The following RBFOX3 variants were observed in gnomAD, a reference collection of about 807,000 sequenced individuals.
The protein encoded by RBFOX3 is RNA binding protein fox-1 homolog 3.
Under a neutral mutation model 48.7 loss-of-function variants are expected in RBFOX3, and 17 were observed. The ratio of observed to expected loss-of-function variants is 0.35; its 90% CI spans 0.24 to 0.52. RBFOX3 has a LOEUF of 0.52. RBFOX3 is among the 20% of genes least tolerant of loss of function. The pLI is 0.94. For synonymous variants in RBFOX3, 212 were observed against 209.5 expected (o/e 1.01, Z -0.10); for missense variants, 382 against 497.5 (o/e 0.77, Z 2.21).
intron 1 of RBFOX3, among the ~76,000 whole-genome samples, chr17:79,550,950 T>C (rs932134861): frequency 3.3e-5 from 5 of 152,240 alleles, no homozygotes; most frequent in Non-Finnish European, 7.3e-5. Context: ...CAATAGAACT[T>C]TCTGTGAGGA....
chr17:79,629,797 T>C, the RBFOX3 span, among the ~76,000 whole-genome samples: 1 of 152,204 alleles, frequency 6.6e-6, no homozygotes, highest in Admixed American at 6.5e-5. Context: ...TGTGCACTCA[T>C]TAAAAATCCT....
chr17:79,412,189 T>A (rs1044248158), intron 2 of RBFOX3, among the ~76,000 whole-genome samples: 4 of 151,962 alleles, frequency 2.6e-5, no homozygotes, highest in Non-Finnish European at 5.9e-5. Context: ...TATGTGTATA[T>A]GTGTGAGGGC....
Position 79,090,407 on chromosome 17 carries a change from C to G in RBFOX3, c.*476G>C, listed in dbSNP as rs542164186. On this transcript the variant is annotated 3_prime_UTR_variant, in exon 15 of 15. Transcript: ENST00000693108. ...TGCCCGCACCCCTCAGCCCCGCCGG[C>G]CCCCTGGCACAGCTGGCCACAAAGA... The G allele has an allele frequency of 1.9e-5, 3 of 156,884 alleles. No homozygotes were observed. The South Asian group carries it at 6.0e-4, about 31-fold the overall frequency. The allele number at this position is 156,884 out of a possible 1,614,324, so 9.7% of individuals were successfully genotyped here.
intron 4 of RBFOX3, among the ~76,000 whole-genome samples, chr17:79,131,613 C>T (rs575611194): frequency 3.3e-5 from 5 of 152,336 alleles, no homozygotes; most frequent in South Asian, 2.1e-4. Context: ...TTTTCATGCA[C>T]GGGTATTTTC....
chr17:79,101,203 G>A (rs983740126), intron 9 of RBFOX3, among the ~76,000 whole-genome samples: 7 of 152,172 alleles, frequency 4.6e-5, no homozygotes, highest in African/African-American at 1.2e-4. Flanking sequence ...GGGAATCGGT[G>A]CAGCAGGTCT....
chr17:79,280,162 C>CAT (rs74391772), intron 3 of RBFOX3, among the ~76,000 whole-genome samples: 1 of 122,360 alleles, frequency 8.2e-6, no homozygotes, highest in African/African-American at 2.8e-5. Flanking sequence ...CACACACACA[C>CAT]GCACACACCA....
intron 4 of RBFOX3, among the ~76,000 whole-genome samples, chr17:79,231,555 A>T (rs893672334): frequency 3.3e-5 from 5 of 152,176 alleles, no homozygotes; most frequent in Admixed American, 6.5e-5. Flanking sequence ...ATCTGACGGA[A>T]TTGACACAAA....
At chr17:79,586,674 CAT>C (rs1194506252) in intron 1 of RBFOX3, among the ~76,000 whole-genome samples, 1 of 152,188 alleles carries the variant, frequency 6.6e-6, no homozygotes, top group Non-Finnish European at 1.5e-5. Flanking sequence ...TTTCTCTTTT[CAT>C]ATGTTTTCAA....
chr17:79,405,323 T>C (rs2063399255), intron 2 of RBFOX3, among the ~76,000 whole-genome samples: 1 of 152,150 alleles, frequency 6.6e-6, no homozygotes, highest in Non-Finnish European at 1.5e-5. Flanking sequence ...TTTTGATGCA[T>C]TTGAAAGTAA....
At chr17:79,527,545 GC>G (rs1221120334) in intron 1 of RBFOX3, among the ~76,000 whole-genome samples, 10 of 152,146 alleles carry the variant, frequency 6.6e-5, no homozygotes, top group African/African-American at 2.4e-4. Flanking sequence ...TATTTTAGTG[GC>G]TGATCAGTGT....
chr17:79,316,483 C>T (rs1259249565), intron 2 of RBFOX3, among the ~76,000 whole-genome samples: 1 of 152,178 alleles, frequency 6.6e-6, no homozygotes, highest in Non-Finnish European at 1.5e-5. Context: ...GACTGTTACT[C>T]AGGATGTGGG....
At chr17:79,530,965 C>T (rs2087665020) in intron 1 of RBFOX3, among the ~76,000 whole-genome samples, 2 of 152,208 alleles carry the variant, frequency 1.3e-5, no homozygotes, top group African/African-American at 2.4e-5. Context: ...GGCAGGAAGG[C>T]CGCCGTGGAT....
chr17:79,253,871 G>A (rs2064360784), intron 3 of RBFOX3, among the ~76,000 whole-genome samples: 1 of 152,246 alleles, frequency 6.6e-6, no homozygotes, highest in Non-Finnish European at 1.5e-5. Context: ...GTGGCCATGG[G>A]ATGGGATTAC....
intron 2 of RBFOX3, among the ~76,000 whole-genome samples, chr17:79,451,728 GTCCCCCGCAACCT>G (rs2073545736): frequency 6.6e-6 from 1 of 152,226 alleles, no homozygotes; most frequent in South Asian, 2.1e-4. Flanking sequence ...AAACCACTGG[GTCCCCCGCAACCT>G]TCCATTTCAT....
chr17:79,423,452 C>T lies in RBFOX3; in HGVS notation c.-175+59002G>A, dbSNP rs1473269985. ...TCTCTCTACCTCCGTGCCCAGCCCC[C>T]GGCTATTCTCAGCACAGCAGCCAAA... On this transcript the variant is annotated intron_variant, in intron 2 of 14. Transcript: ENST00000693108. The surrounding 1 kb of genome is among the most constrained non-coding windows in gnomAD (Gnocchi z 4.9). Among the ~76,000 whole-genome samples the T allele has an allele frequency of 6.6e-6, 1 of 152,076 alleles. No homozygotes were observed. Among genetic ancestry groups the T allele is most frequent in the Non-Finnish European group, 1.5e-5 (1 of 68,016 alleles).
At chr17:79,238,681 C>A (rs1263324577) in intron 3 of RBFOX3, among the ~76,000 whole-genome samples, 9 of 152,260 alleles carry the variant, frequency 5.9e-5, no homozygotes, top group Admixed American at 5.9e-4. Context: ...CCCTTCTCTC[C>A]TGAGAGATTG....
At chr17:79,504,465 A>G (rs1369818786) in intron 1 of RBFOX3, among the ~76,000 whole-genome samples, 2 of 152,334 alleles carry the variant, frequency 1.3e-5, no homozygotes, top group African/African-American at 4.8e-5. Flanking sequence ...GGGAGACCAG[A>G]TGTCCAAAGC....
At chr17:79,325,044 T>C (rs2079096052) in intron 2 of RBFOX3, among the ~76,000 whole-genome samples, 1 of 152,228 alleles carries the variant, frequency 6.6e-6, no homozygotes, top group Admixed American at 6.5e-5. Flanking sequence ...CCTTGATGAC[T>C]CTCTAGAAAA....
chr17:79,094,435 G>A lies in RBFOX3; in HGVS notation c.1077+16C>T, dbSNP rs2146209619. The A allele has an allele frequency of 6.7e-7, 1 of 1,495,800 alleles. No homozygotes were observed. Among genetic ancestry groups the A allele is most frequent in the Non-Finnish European group, 8.9e-7 (1 of 1,124,166 alleles). 92.7% of individuals were successfully genotyped at this position (1,495,800 alleles called of 1,614,324 possible). A position where few individuals can be genotyped will look rare whatever the true frequency, so the allele number is the denominator to read the frequency against. ...TAGGACTGGCACCCAGGGCTGGGCG[G>A]GCCTGGGCTCCTTACCATGGTTCCA... On this transcript the variant is annotated intron_variant, in intron 14 of 14. Transcript: ENST00000693108.
Sources: allele counts gnomAD v4.1 joint callset (sites outside exome capture counted in the v4.1 genomes callset), GRCh38; gene constraint gnomAD v4.1.1; non-coding constraint Gnocchi (gnomAD v3.1); transcripts MANE v1.5; gene names NCBI Gene and HGNC (gene_info 2026-07-23, HGNC 2026-07-21).